The following USF2 variants were observed in gnomAD, a reference collection of about 807,000 sequenced individuals.
USF2 encodes upstream transcription factor 2, c-fos interacting.
USF2 carries 16 observed loss-of-function variants against 46.9 expected under a neutral mutation model. The observed-to-expected ratio is 0.34, with a 90% CI of 0.23 to 0.52. USF2 has a LOEUF of 0.52. USF2 is among the 20% of genes least tolerant of loss of function. USF2 has a pLI of 0.96. For missense variants in USF2, 411 were observed against 474.0 expected (o/e 0.87, Z 1.23); for synonymous variants, 239 against 194.1 (o/e 1.23, Z -1.92).
At chr19:35,269,555 C>T in intron 2 of USF2, 26 bp from the exon 3 acceptor site, 2 of 1,565,192 alleles carry the variant, frequency 1.3e-6, no homozygotes, top group South Asian at 1.2e-5. Flanking sequence ...CGGCCCTGAC[C>T]GTGCCCCGAC....
rs1599618148 is a variant in USF2 at position 35,269,123 on chromosome 19, C to G, written c.22C>G (p.Leu8Val). The G allele has an allele frequency of 1.5e-6, 1 of 654,684 alleles. No individual in the cohort carries two copies. The highest frequency in any genetic ancestry group is 1.9e-6 in the Non-Finnish European group (1 of 524,678). The allele number at this position is 654,684 out of a possible 1,614,324, so 40.6% of individuals were successfully genotyped here. A position where few individuals can be genotyped will look rare whatever the true frequency, so the allele number is the denominator to read the frequency against. The change falls in exon 1 of 10, where the codon CTG becomes GTG. Residue 8 changes from leucine (L) to valine (V), a missense_variant. By Grantham distance (32) the Leu-to-Val change is conservative. This residue lies in a region of USF2 where 318 missense variants were observed against 322.4 expected (regional missense o/e 0.99). Coordinates refer to ENST00000222305, the MANE Select transcript of USF2 (RefSeq NM_003367.4). The part of the protein sequence containing the change: MDMLDPG[L>V]DPAASATAAA... Reference sequence around the variant, plus strand: ...CCCCATGGACATGCTGGACCCGGGTCTGGATCCCGCTGCCTCGGCCACCGC... The same window carrying G: ...CCCCATGGACATGCTGGACCCGGGTGTGGATCCCGCTGCCTCGGCCACCGC...
rs867433158 is a variant in USF2, at chr19:35,269,320, C to T, written c.63-126C>T. 10 of 914,388 alleles carry T rather than the reference C, an allele frequency of 1.1e-5. No individual in the cohort carries two copies. The East Asian group carries it at 3.6e-4, about 33-fold the overall frequency. 56.6% of individuals were successfully genotyped at this position (914,388 alleles called of 1,614,324 possible). On this transcript the variant is annotated intron_variant, in intron 1 of 9. Transcript: ENST00000222305. ...GACCTGGCGCCTCCCGCCCCCGGCC[C>T]CCGGCCTCGGCGGCGCCCCCGGCCT...
Position 35,269,480 on chromosome 19 carries a change from G to T in USF2, c.97G>T (p.Glu33Ter). 1 of 1,551,786 alleles carries T rather than the reference G, an allele frequency of 6.4e-7. No individual in the cohort carries two copies. ...DKGPEAEEGV[E>*]LQEGGDGPGA... The stretch of plus-strand genomic sequence containing the variant: ...GGGACCCGAGGCGGAGGAGGGCGTC[G>T]AGCTGCAGGAAGGTGAGTGCTTGCC... The change falls in exon 2 of 10, where the codon GAG becomes TAG. Residue 33 changes from glutamate (E) to a stop codon, truncating the protein, a stop_gained. Transcript: ENST00000222305. LOFTEE classifies it high-confidence loss of function.
chr19:35,270,291 A>G (rs2066131920), intron 4 of USF2, 156 bp from the exon 5 acceptor site: 1 of 1,179,732 alleles, frequency 8.5e-7, no homozygotes, highest in Admixed American at 2.9e-5. Context: ...GCCATGTTCC[A>G]GGGCTGTTTG....
chr19:35,276,753 T>C (rs550731603), intron 7 of USF2, among the ~76,000 whole-genome samples: 15 of 152,298 alleles, frequency 9.8e-5, no homozygotes, highest in South Asian at 8.3e-4. Context: ...CCCATTCCCA[T>C]GCAGAGGCCA....
chr19:35,270,657 G>GC (rs369635286), intron 5 of USF2, 60 bp downstream of exon 5: 41 of 1,609,770 alleles, frequency 2.5e-5, no homozygotes, highest in African/African-American at 2.3e-4. Context: ...AGGGAGGGAA[G>GC]CCCCCCCAGC....
chr19:35,278,194 C>A (rs1323174444), intron 7 of USF2: 2 of 153,144 alleles, frequency 1.3e-5, no homozygotes, highest in Non-Finnish European at 2.9e-5. Context: ...GGAAAAAAAA[C>A]AAAATCACGG....
chr19:35,272,282 T>TC (rs1599626117), intron 7 of USF2, among the ~76,000 whole-genome samples: 1 of 152,080 alleles, frequency 6.6e-6, no homozygotes, highest in East Asian at 1.9e-4. Context: ...CATCAGGCAG[T>TC]GCAGGCAGTC....
rs1181526266 is a variant in USF2 at position 35,270,663 on chromosome 19, C to T, written c.581-55C>T. 4 of 1,611,954 alleles carry T rather than the reference C, an allele frequency of 2.5e-6. No individual in the cohort carries two copies. The African/African-American group carries it at 5.3e-5, about 22-fold the overall frequency. On this transcript the variant is annotated intron_variant, in intron 5 of 9. Transcript: ENST00000222305. ...GGGCCCAGCAGGGAGGGAAGCCCCCCCAGCCAGTTCTGACTTCACCCTGCC... is the reference window on the plus strand; with the variant it reads ...GGGCCCAGCAGGGAGGGAAGCCCCCTCAGCCAGTTCTGACTTCACCCTGCC...
intron 7 of USF2, among the ~76,000 whole-genome samples, chr19:35,273,158 C>T (rs1486952105): frequency 5.3e-5 from 8 of 152,182 alleles, no homozygotes; most frequent in Admixed American, 2.0e-4. Context: ...TCTCCAGCTC[C>T]GTCCTGTCTC....
At chr19:35,278,497 C>A in intron 7 of USF2, 1 of 593,780 alleles carries the variant, frequency 1.7e-6, no homozygotes, top group Non-Finnish European at 3.0e-6. Flanking sequence ...CACTGGAGGG[C>A]CCACGTTTCT....
chr19:35,270,681 A>G (rs752162891), intron 5 of USF2, 37 bp from the exon 6 acceptor site: 1 of 1,612,356 alleles, frequency 6.2e-7, no homozygotes, highest in Non-Finnish European at 8.5e-7. Context: ...TTCTGACTTC[A>G]CCCTGCCTTG....
intron 7 of USF2, among the ~76,000 whole-genome samples, chr19:35,276,689 TTCTC>T (rs1273046915): frequency 1.3e-5 from 2 of 152,212 alleles, no homozygotes; most frequent in Non-Finnish European, 2.9e-5. Flanking sequence ...CTTAGAGTCT[TTCTC>T]TCAGAAACCA....
chr19:35,273,208 A>C (rs141016728), intron 7 of USF2, among the ~76,000 whole-genome samples: 59 of 152,244 alleles, frequency 3.9e-4, no homozygotes, highest in African/African-American at 1.4e-3. Context: ...CAATCTGCTC[A>C]TCCTCCCAGT....
intron 7 of USF2, among the ~76,000 whole-genome samples, chr19:35,273,713 A>G (rs982059040): frequency 2.6e-5 from 4 of 151,936 alleles, no homozygotes; most frequent in African/African-American, 9.6e-5. Context: ...AGGCGTCATC[A>G]CATGGGGTAA....
intron 7 of USF2, 52 bp from the exon 8 acceptor site, chr19:35,278,646 G>A (rs373231467): frequency 2.8e-5 from 44 of 1,589,554 alleles, no homozygotes; most frequent in South Asian, 5.5e-5. Context: ...GAGGACGGCC[G>A]CTCAGGCATG....
rs763839317 is a variant in USF2, at chr19:35,269,684, G to A, written c.213G>A (p.Glu71=). 9 of 1,529,374 alleles carry A rather than the reference G, an allele frequency of 5.9e-6. No individual in the cohort carries two copies. The South Asian group carries it at 9.5e-5, about 16-fold the overall frequency. 94.7% of individuals were successfully genotyped at this position (1,529,374 alleles called of 1,614,324 possible). A position where few individuals can be genotyped will look rare whatever the true frequency, so the allele number is the denominator to read the frequency against. ...ACATCCAGTACCAGTTCCGCACAGA[G>A]ACAAATGGAGGACAGGTGAGCGGCG... The part of the protein sequence containing the change: ...DHNIQYQFRT[E]TNGGQVTYRV... Residue 71 remains glutamate, a synonymous_variant, in exon 3 of 10, where the codon GAG becomes GAA. Coordinates refer to ENST00000222305, the MANE Select transcript of USF2 (RefSeq NM_003367.4).
intron 1 of USF2, 103 bp downstream of exon 1, chr19:35,269,266 C>T: frequency 3.2e-6 from 3 of 948,468 alleles, no homozygotes; most frequent in Non-Finnish European, 3.7e-6. Context: ...GCGGGCCCGG[C>T]TCAAAATGGA....
At position 35,279,023 on chromosome 19, in the gene USF2, C is replaced by G; in HGVS notation, c.900C>G (p.Thr300=). 6.3e-7 allele frequency: 1 copy of G among 1,588,900 alleles called. No homozygotes were observed. The highest frequency in any genetic ancestry group is 8.6e-7 in the Non-Finnish European group (1 of 1,166,784). Residue 300 remains threonine, a synonymous_variant, in exon 9 of 10, where the codon ACC becomes ACG. Coordinates refer to ENST00000222305, the MANE Select transcript of USF2 (RefSeq NM_003367.4). The stretch of plus-strand genomic sequence containing the variant: ...AGACCAACCAGCGCATGCAGGAGAC[C>G]TTCAAAGAGGCCGAGCGGCTGCAGA... ...LRQTNQRMQE[T]FKEAERLQMD...
Sources: allele counts gnomAD v4.1 joint callset (sites outside exome capture counted in the v4.1 genomes callset), GRCh38; gene constraint gnomAD v4.1.1; regional missense constraint gnomAD v4.1.1; transcripts MANE v1.5; gene names NCBI Gene and HGNC (gene_info 2026-07-23, HGNC 2026-07-21).